TSPAN5: variants seen among roughly 807,000 people sequenced by gnomAD.
TSPAN5 encodes tetraspanin 5, also known as tetraspanin-5.
TSPAN5 carries 10 observed loss-of-function variants against 37.1 expected under a neutral mutation model. The observed-to-expected ratio is 0.27, with a 90% CI of 0.17 to 0.46. The LOEUF (loss-of-function observed/expected upper bound fraction) is 0.46, where lower values mean the gene tolerates loss of function less well. Among genes scored for constraint, TSPAN5 ranks in the 20% least tolerant of loss-of-function variants. The pLI, the probability that TSPAN5 is intolerant of heterozygous loss-of-function variation, is 1.00. For synonymous variants in TSPAN5, 110 were observed against 118.9 expected (o/e 0.93, Z 0.48); for missense variants, 195 against 326.6 (o/e 0.60, Z 3.11).
intron 1 of TSPAN5, among the ~76,000 whole-genome samples, chr4:98,581,632 T>C (rs1307440629): frequency 6.6e-6 from 1 of 152,226 alleles, no homozygotes; most frequent in Non-Finnish European, 1.5e-5. Context: ...TTATTGATTG[T>C]ATTAACAACC....
At chr4:98,544,661 G>A (rs1408859952) in intron 1 of TSPAN5, among the ~76,000 whole-genome samples, 1 of 152,090 alleles carries the variant, frequency 6.6e-6, no homozygotes, top group Non-Finnish European at 1.5e-5. Context: ...GAAAGCAGAG[G>A]GAGGCATAAA....
chr4:98,625,716 T>C (rs1168607960), intron 1 of TSPAN5, among the ~76,000 whole-genome samples: 2 of 152,220 alleles, frequency 1.3e-5, no homozygotes, highest in Non-Finnish European at 2.9e-5. Flanking sequence ...ATACATTTAA[T>C]TGCTTCTTTA....
intron 2 of TSPAN5, among the ~76,000 whole-genome samples, chr4:98,503,470 C>A (rs1753403160): frequency 6.6e-6 from 1 of 152,028 alleles, no homozygotes; most frequent in African/African-American, 2.4e-5. Context: ...CCCTGACATA[C>A]CTCCCGGGCT....
At chr4:98,648,101 A>C (rs755247762) in intron 1 of TSPAN5, among the ~76,000 whole-genome samples, 1 of 152,020 alleles carries the variant, frequency 6.6e-6, no homozygotes, top group Non-Finnish European at 1.5e-5. Flanking sequence ...GGCAAATATC[A>C]TGTCTGGGTC....
At chr4:98,477,114 A>C (rs1560504732) in intron 5 of TSPAN5, among the ~76,000 whole-genome samples, 2 of 152,210 alleles carry the variant, frequency 1.3e-5, no homozygotes, top group Non-Finnish European at 2.9e-5. Context: ...GGAAGCATTA[A>C]TGCCTCTGAG....
intron 1 of TSPAN5, among the ~76,000 whole-genome samples, chr4:98,563,793 C>A (rs535778881): frequency 6.6e-6 from 1 of 152,298 alleles, no homozygotes; most frequent in South Asian, 2.1e-4. Context: ...TTCTGGGCCT[C>A]CCTGAGAGGA....
At chr4:98,501,008 C>T (rs983316200) in intron 2 of TSPAN5, among the ~76,000 whole-genome samples, 5 of 152,148 alleles carry the variant, frequency 3.3e-5, no homozygotes, top group Admixed American at 1.3e-4. Flanking sequence ...CGCCCCAATA[C>T]CTTTATTTCT....
At chr4:98,623,563 A>G (rs1265665499) in intron 1 of TSPAN5, among the ~76,000 whole-genome samples, 1 of 152,244 alleles carries the variant, frequency 6.6e-6, no homozygotes, top group South Asian at 2.1e-4. Flanking sequence ...TTACATATCA[A>G]TCACGAGTGT....
chr4:98,567,452 T>C (rs1755030119), intron 1 of TSPAN5, among the ~76,000 whole-genome samples: 1 of 152,256 alleles, frequency 6.6e-6, no homozygotes, highest in Non-Finnish European at 1.5e-5. Context: ...AACTGATTAC[T>C]GAAGAAACCA....
chr4:98,592,421 G>GTTT lies in TSPAN5; in HGVS notation c.81+65722_81+65724dup, dbSNP rs1204813183. Among the ~76,000 whole-genome samples, 752 of 94,974 alleles carry GTTT rather than the reference G, an allele frequency of 7.9e-3. 21 individuals are homozygous for GTTT. The highest frequency in any genetic ancestry group is 0.011 in the African/African-American group (255 of 22,684). 62.3% of individuals were successfully genotyped at this position (94,974 alleles called of 152,430 possible). A position where few individuals can be genotyped will look rare whatever the true frequency, so the allele number is the denominator to read the frequency against. ...TGGTTTACCTAACTAAGGGATCTCT[G>GTTT]TTTTTTGTTTTTTTTTTTTTTTTTT... On this transcript the variant is annotated intron_variant, in intron 1 of 7. Transcript: ENST00000305798.
intron 1 of TSPAN5, among the ~76,000 whole-genome samples, chr4:98,526,698 C>A (rs748863226): frequency 2.0e-5 from 3 of 148,756 alleles, no homozygotes; most frequent in Non-Finnish European, 4.4e-5. Context: ...TGAGGGGGTA[C>A]AGGTCTCAAG....
intron 1 of TSPAN5, among the ~76,000 whole-genome samples, chr4:98,589,648 C>A (rs189275714): frequency 1.3e-5 from 2 of 152,296 alleles, no homozygotes; most frequent in Non-Finnish European, 2.9e-5. Flanking sequence ...GCCAGCTACG[C>A]GCAGACTACC....
chr4:98,592,428 G>GTTTTTTTTTT (rs35941064), intron 1 of TSPAN5, among the ~76,000 whole-genome samples: 5 of 119,098 alleles, frequency 4.2e-5, no homozygotes, highest in African/African-American at 6.3e-5. Flanking sequence ...TCTGTTTTTT[G>GTTTTTTTTTT]TTTTTTTTTT....
chr4:98,574,873 T>G (rs945386981), intron 1 of TSPAN5: 4 of 152,374 alleles, frequency 2.6e-5, no homozygotes, highest in African/African-American at 9.7e-5. Context: ...ATTTAAATGG[T>G]CTTTGTCCAC....
chr4:98,610,114 G>A (rs757005061), intron 1 of TSPAN5, among the ~76,000 whole-genome samples: 10 of 152,176 alleles, frequency 6.6e-5, no homozygotes, highest in Non-Finnish European at 1.5e-4. Context: ...TGGGTAATTT[G>A]TAAAGAAATA....
chr4:98,520,851 C>A (rs1753837293), intron 1 of TSPAN5, among the ~76,000 whole-genome samples: 1 of 151,808 alleles, frequency 6.6e-6, no homozygotes, highest in Admixed American at 6.6e-5. Context: ...CACAGATTAG[C>A]CATTCATGGA....
chr4:98,646,274 A>C (rs568624018), intron 1 of TSPAN5, among the ~76,000 whole-genome samples: 18 of 152,316 alleles, frequency 1.2e-4, no homozygotes, highest in African/African-American at 3.8e-4. Flanking sequence ...AGTTATCAGG[A>C]TCACTGACTC....
chr4:98,484,750 TC>T (rs1752924005), intron 3 of TSPAN5: 2 of 353,288 alleles, frequency 5.7e-6, no homozygotes, highest in Non-Finnish European at 1.1e-5. Flanking sequence ...TCACTTGAGG[TC>T]CGGAGTTCAA....
intron 1 of TSPAN5, among the ~76,000 whole-genome samples, chr4:98,590,247 CTG>C (rs1262287081): frequency 3.9e-5 from 6 of 152,140 alleles, no homozygotes; most frequent in Non-Finnish European, 8.8e-5. Context: ...AAATAGGGAC[CTG>C]AGCCAGGAAG....
Sources: gnomAD v4.1 joint callset for allele counts (sites outside exome capture counted in the v4.1 genomes callset) on GRCh38, gnomAD v4.1.1 for gene constraint, MANE v1.5 for transcripts, NCBI Gene and HGNC (gene_info 2026-07-23, HGNC 2026-07-21) for gene names.